Variants in TNRC6A observed in about 807,000 individuals in gnomAD.
TNRC6A encodes the protein trinucleotide repeat containing adaptor 6A.
In TNRC6A, 44 loss-of-function variants were observed where a neutral mutation model predicts 221.2. The observed-to-expected ratio is 0.20, with a 90% CI of 0.16 to 0.26. The LOEUF (loss-of-function observed/expected upper bound fraction) is 0.26, where lower values mean the gene tolerates loss of function less well. Among genes scored for constraint, TNRC6A ranks in the 10% least tolerant of loss-of-function variants. The pLI is 1.00. For missense variants in TNRC6A, 2,199 were observed against 2,404.4 expected (o/e 0.91, Z 1.79); for synonymous variants, 847 against 838.5 (o/e 1.01, Z -0.18).
chr16:24,627,856 C>T (rs1901111823), intron 1 of TNRC6A, among the ~76,000 whole-genome samples: 1 of 151,388 alleles, frequency 6.6e-6, no homozygotes, highest in Non-Finnish European at 1.5e-5. Flanking sequence ...TGCCCCCATG[C>T]CCGGCTAATT....
intron 2 of TNRC6A, among the ~76,000 whole-genome samples, chr16:24,739,823 A>C (rs902047185): frequency 6.6e-6 from 1 of 152,086 alleles, no homozygotes; most frequent in Non-Finnish European, 1.5e-5. Flanking sequence ...AAAAATTTAA[A>C]ATTTTGTAAA....
chr16:24,716,656 C>T (rs1388656600), intron 2 of TNRC6A, among the ~76,000 whole-genome samples: 2 of 151,896 alleles, frequency 1.3e-5, no homozygotes, highest in African/African-American at 4.8e-5. Context: ...CAAAGTGAGA[C>T]CGTCTCTCAA....
chr16:24,701,927 T>C (rs2055985722), intron 2 of TNRC6A, among the ~76,000 whole-genome samples: 1 of 152,036 alleles, frequency 6.6e-6, no homozygotes, highest in Non-Finnish European at 1.5e-5. Flanking sequence ...TTCCTATTTC[T>C]TCCACATCTC....
At chr16:24,650,174 C>T (rs1322227350) in intron 2 of TNRC6A, among the ~76,000 whole-genome samples, 1 of 152,068 alleles carries the variant, frequency 6.6e-6, no homozygotes, top group African/African-American at 2.4e-5. Flanking sequence ...TTTGCATCTC[C>T]ATTTAATTCT....
At chr16:24,729,883 G>T in intron 1 of TNRC6A, 37 bp downstream of exon 1, 2 of 1,251,642 alleles carry the variant, frequency 1.6e-6, no homozygotes, top group Non-Finnish European at 1.0e-6. Context: ...GGCGGGAGGA[G>T]CCGCGGGCGC....
intron 2 of TNRC6A, among the ~76,000 whole-genome samples, chr16:24,647,177 C>T (rs1301137053): frequency 6.6e-6 from 1 of 152,206 alleles, no homozygotes; most frequent in African/African-American, 2.4e-5. Flanking sequence ...AGCAATCTGC[C>T]CACCTTGGCC....
chr16:24,697,179 A>G (rs1452693640), intron 2 of TNRC6A, among the ~76,000 whole-genome samples: 1 of 152,216 alleles, frequency 6.6e-6, no homozygotes, highest in African/African-American at 2.4e-5. Flanking sequence ...TTGAAATATC[A>G]CTGTCTTCTA....
chr16:24,620,771 G>A (rs150471855), intron 1 of TNRC6A, among the ~76,000 whole-genome samples: 2,817 of 151,924 alleles, frequency 0.019, 45 homozygotes, highest in East Asian at 0.052. Flanking sequence ...TCGTGCCATT[G>A]CATTCCAGCC....
chr16:24,726,672 C>T (rs891646841), upstream of TNRC6A, among the ~76,000 whole-genome samples: 5 of 151,974 alleles, frequency 3.3e-5, no homozygotes, highest in African/African-American at 7.3e-5. Context: ...TTGTTGGGAA[C>T]GAGAGCAGAA....
At chr16:24,719,084 T>A (rs2151080828) in intron 2 of TNRC6A, among the ~76,000 whole-genome samples, 1 of 151,452 alleles carries the variant, frequency 6.6e-6, no homozygotes, top group South Asian at 2.1e-4. Flanking sequence ...ATAAGCAGAC[T>A]ATGGAAAATT....
intron 2 of TNRC6A, among the ~76,000 whole-genome samples, chr16:24,712,068 C>A (rs941952044): frequency 2.6e-5 from 4 of 152,154 alleles, no homozygotes; most frequent in African/African-American, 4.8e-5. Context: ...AATGGTCCTG[C>A]GAAAACTAAA....
chr16:24,805,187 G>T (rs779956900), intron 14 of TNRC6A, 36 bp downstream of exon 14: 3 of 1,603,334 alleles, frequency 1.9e-6, no homozygotes, highest in Non-Finnish European at 1.7e-6. Flanking sequence ...CTGTTTACCT[G>T]CAAAAAGGAT....
intron 4 of TNRC6A, among the ~76,000 whole-genome samples, chr16:24,759,652 T>C (rs748246306): frequency 6.6e-6 from 1 of 152,158 alleles, no homozygotes; most frequent in African/African-American, 2.4e-5. Flanking sequence ...TGGAATGTCA[T>C]GGTCATAAGC....
intron 2 of TNRC6A, among the ~76,000 whole-genome samples, chr16:24,675,701 T>TCTCTCC: frequency 1.5e-5 from 1 of 67,210 alleles, no homozygotes; most frequent in Non-Finnish European, 2.9e-5. Flanking sequence ...TCTCTCTCTC[T>TCTCTCC]CTATATATAT....
At position 24,650,123 on chromosome 16, in the gene TNRC6A, C is replaced by A. The variant is rs138424079; in HGVS notation, n.402+9114C>A. 1.5e-3 allele frequency among the ~76,000 whole-genome samples: 232 copies of A among 152,118 alleles called. 2 individuals carry two copies. The highest frequency in any genetic ancestry group is 5.2e-3 in the African/African-American group (217 of 41,536). On this transcript the variant is annotated intron_variant and non_coding_transcript_variant, in intron 2 of 2. Coordinates refer to the TNRC6A transcript ENST00000566108. ...ACAGGTGTGAGCCACCACACCCAGC[C>A]TCCAGTCTCTTAATTTACTATTCTT...
In TNRC6A at chr16:24,729,707, G is replaced by GGCA; in HGVS notation, c.-133_-132insAGC. On this transcript the variant is annotated 5_prime_UTR_variant, in exon 1 of 25. Transcript: ENST00000395799. ...TGTCGGCGGCGGCGGCGGCGGCGGC[G>GGCA]GCGGCGGCGGCAGCGGGTCGGTGTA... 1 of 1,070,818 alleles carries GGCA rather than the reference G, an allele frequency of 9.3e-7. No individual in the cohort carries two copies. Among genetic ancestry groups the GGCA allele is most frequent in the Non-Finnish European group, 1.2e-6 (1 of 827,980 alleles). The allele number at this position is 1,070,818 out of a possible 1,614,324, so 66.3% of individuals were successfully genotyped here. A position where few individuals can be genotyped will look rare whatever the true frequency, so the allele number is the denominator to read the frequency against.
At position 24,791,166 on chromosome 16, in the gene TNRC6A, G is replaced by A; in HGVS notation, c.2524G>A (p.Gly842Arg). ...AAAGAATAAACAGGGATGGGGTGAT[G>A]GACAAAAATCAAGCCAAGGGTGGTC... The part of the protein sequence containing the change: ...SQKNKQGWGD[G>R]QKSSQGWSVS... The change falls in exon 6 of 25, where the codon GGA (glycine) becomes AGA (arginine). Residue 842 changes from glycine (G) to arginine (R), a missense_variant. Coordinates refer to ENST00000395799, the MANE Select transcript of TNRC6A (RefSeq NM_014494.4). 1 of 1,614,042 alleles carries A rather than the reference G, an allele frequency of 6.2e-7. No homozygotes were observed. The highest frequency in any genetic ancestry group is 8.5e-7 in the Non-Finnish European group (1 of 1,179,996).
In TNRC6A at chr16:24,729,682, T is replaced by G. The variant is rs1170834781; in HGVS notation, c.-160T>G. The G allele has an allele frequency of 5.9e-6, 4 of 677,756 alleles. No homozygotes were observed. Among genetic ancestry groups the G allele is most frequent in the Non-Finnish European group, 8.0e-6 (4 of 501,674 alleles). The allele number at this position is 677,756 out of a possible 1,614,324, so 42.0% of individuals were successfully genotyped here. A position where few individuals can be genotyped will look rare whatever the true frequency, so the allele number is the denominator to read the frequency against. On this transcript the variant is annotated 5_prime_UTR_variant, in exon 1 of 25. Transcript: ENST00000395799. ...GGTCTGGGGCCTGCGGCGGCGGCGGTGTCGGCGGCGGCGGCGGCGGCGGCG... is the reference window on the plus strand; with the variant it reads ...GGTCTGGGGCCTGCGGCGGCGGCGGGGTCGGCGGCGGCGGCGGCGGCGGCG...
At position 24,765,041 on chromosome 16, in the gene TNRC6A, G is replaced by A. The variant is rs978354201; in HGVS notation, c.163+6681G>A. Among the ~76,000 whole-genome samples the A allele has an allele frequency of 1.4e-4, 22 of 152,262 alleles. No homozygotes were observed. The South Asian group carries it at 1.5e-3, about 10-fold the overall frequency. On this transcript the variant is annotated intron_variant, in intron 4 of 24. Coordinates refer to ENST00000395799, the MANE Select transcript of TNRC6A (RefSeq NM_014494.4). Reference sequence around the variant, plus strand: ...ATTTTTGTACTGTGGCTGACCATGGGGTAAGACTTTGGAAAGTGAAATCTT... The same window carrying A: ...ATTTTTGTACTGTGGCTGACCATGGAGTAAGACTTTGGAAAGTGAAATCTT...
Sources: allele counts gnomAD v4.1 joint callset (sites outside exome capture counted in the v4.1 genomes callset), GRCh38; gene constraint gnomAD v4.1.1; transcripts MANE v1.5; gene names NCBI Gene and HGNC (gene_info 2026-07-23, HGNC 2026-07-21).